MYOCD: variants seen among roughly 807,000 people sequenced by gnomAD.
The protein encoded by MYOCD is myocardin.
MYOCD carries 32 observed loss-of-function variants against 96.1 expected under a neutral mutation model. The observed-to-expected ratio is 0.33, with a 90% CI of 0.25 to 0.45. The LOEUF is 0.45. MYOCD is among the 20% of genes least tolerant of loss of function. The probability of loss-of-function intolerance (pLI) is 1.00; values close to 1 mark genes in which losing one functional copy is unlikely to be tolerated. For synonymous variants in MYOCD, 469 were observed against 469.0 expected (o/e 1.00, Z 0.00); for missense variants, 1,133 against 1,200.6 (o/e 0.94, Z 0.83).
At chr17:12,757,110 A>C (rs1044129243) in intron 11 of MYOCD, among the ~76,000 whole-genome samples, 3 of 152,222 alleles carry the variant, frequency 2.0e-5, no homozygotes, top group South Asian at 2.1e-4. Flanking sequence ...ACACAGATCC[A>C]TGGACAGGAT....
chr17:12,739,585 G>T (rs545738243), intron 7 of MYOCD, among the ~76,000 whole-genome samples: 1 of 152,180 alleles, frequency 6.6e-6, no homozygotes, highest in Non-Finnish European at 1.5e-5. Context: ...CAGCCAGCAC[G>T]TTCCCCACTT....
At chr17:12,687,536 T>G (rs140998123) in intron 1 of MYOCD, among the ~76,000 whole-genome samples, 1 of 152,238 alleles carries the variant, frequency 6.6e-6, no homozygotes, top group Non-Finnish European at 1.5e-5. Context: ...TTGATCACTC[T>G]TTTGAAATAA....
In MYOCD at chr17:12,752,398, A is replaced by G. The variant is rs1366588880; in HGVS notation, c.1126-16A>G. The G allele has an allele frequency of 1.0e-5, 16 of 1,587,722 alleles. No homozygotes were observed. Among genetic ancestry groups the G allele is most frequent in the Non-Finnish European group, 1.4e-5 (16 of 1,167,122 alleles). The stretch of plus-strand genomic sequence containing the variant: ...TGTCGTTAAACAGCACACTAACCAC[A>G]TTCTGATTTCTTTAGGTCTCTGAAT... On this transcript the variant is annotated splice_polypyrimidine_tract_variant and intron_variant, in intron 9 of 13. Transcript: ENST00000425538.
chr17:12,722,749 T>C, intron 4 of MYOCD, 98 bp from the exon 5 acceptor site: 1 of 965,716 alleles, frequency 1.0e-6, no homozygotes. Flanking sequence ...TAGAGCACAA[T>C]GTGACACAAT....
At chr17:12,666,422 G>A (rs1259605256) in intron 1 of MYOCD, among the ~76,000 whole-genome samples, 179 bp downstream of exon 1, 1 of 152,122 alleles carries the variant, frequency 6.6e-6, no homozygotes, top group Non-Finnish European at 1.5e-5. Context: ...CGTGTCTTCC[G>A]TTGTAAGTGC....
At chr17:12,692,597 G>T (rs1397191863) in intron 1 of MYOCD, among the ~76,000 whole-genome samples, 2 of 152,068 alleles carry the variant, frequency 1.3e-5, no homozygotes, top group Non-Finnish European at 2.9e-5. Flanking sequence ...GCTTCTCTTT[G>T]ACATCAAGAA....
At chr17:12,721,380 A>G (rs1567586366) in intron 4 of MYOCD, among the ~76,000 whole-genome samples, 2 of 152,210 alleles carry the variant, frequency 1.3e-5, no homozygotes, top group Non-Finnish European at 2.9e-5. Context: ...AGAGGCAACA[A>G]GATGAAGGGT....
intron 7 of MYOCD, among the ~76,000 whole-genome samples, chr17:12,741,146 T>C (rs891977531): frequency 4.6e-5 from 7 of 152,276 alleles, no homozygotes; most frequent in Middle Eastern, 3.4e-3. Flanking sequence ...AGATTGTAAA[T>C]TGAAGTAAAA....
rs563505398 is a variant in MYOCD at position 12,760,806 on chromosome 17, G to T, written c.2389+99G>T. ...CAAGATCAGATGCACACTGTGAGTT[G>T]GATGTACCAGGTAGTCCTCAGGGAG... On this transcript the variant is annotated intron_variant, in intron 13 of 13. Coordinates refer to ENST00000425538, the MANE Select transcript of MYOCD (RefSeq NM_001146312.3). 758 of 959,794 alleles carry T rather than the reference G, an allele frequency of 7.9e-4. 14 individuals carry two copies. In the South Asian group the frequency reaches 9.8e-3, roughly 12 times the overall value. 59.5% of individuals were successfully genotyped at this position (959,794 alleles called of 1,614,324 possible).
chr17:12,728,769 G>A (rs569654825), intron 5 of MYOCD, among the ~76,000 whole-genome samples: 38 of 152,198 alleles, frequency 2.5e-4, no homozygotes, highest in Admixed American at 1.2e-3. Context: ...GTGAGCCACC[G>A]TGCCCAGCCA....
chr17:12,719,590 C>T lies in MYOCD; in HGVS notation c.253+2169C>T, dbSNP rs1597778792. Among the ~76,000 whole-genome samples the T allele has an allele frequency of 4.6e-5, 7 of 151,620 alleles. No individual in the cohort carries two copies. The East Asian group carries it at 7.8e-4, about 17-fold the overall frequency. On this transcript the variant is annotated intron_variant, in intron 4 of 13. Transcript: ENST00000425538. ...TTTTTAGGCTGGGTACAGTGGCTCACGCCTGTAATCCTAGCACTTTGGGAG... is the reference window on the plus strand; with the variant it reads ...TTTTTAGGCTGGGTACAGTGGCTCATGCCTGTAATCCTAGCACTTTGGGAG...
At chr17:12,700,936 A>T (rs780379927) in intron 1 of MYOCD, among the ~76,000 whole-genome samples, 21 of 152,094 alleles carry the variant, frequency 1.4e-4, no homozygotes, top group Middle Eastern at 3.2e-3. Flanking sequence ...TATAATAATC[A>T]ATCTATGATT....
chr17:12,671,854 G>A (rs1909727146), intron 1 of MYOCD: 1 of 152,230 alleles, frequency 6.6e-6, no homozygotes, highest in African/African-American at 2.4e-5. Context: ...GGAGATGCTA[G>A]AACAGGCTGC....
In MYOCD at chr17:12,666,194, A is replaced by G. The variant is rs529798633; in HGVS notation, c.6A>G (p.Thr2=). M[T]LLGSEHSLLI... ...GCGGCTTGCTGAGACTCAACATGAC[A>G]CTCCTGGGGTCTGAGCATTCCTTGC... The change falls in exon 1 of 14, where the codon ACA becomes ACG. Residue 2 remains threonine (T), a synonymous_variant. Coordinates refer to ENST00000425538, the MANE Select transcript of MYOCD (RefSeq NM_001146312.3). The G allele has an allele frequency of 6.8e-6, 11 of 1,613,342 alleles. No homozygotes were observed. The highest frequency in any genetic ancestry group is 7.6e-6 in the Non-Finnish European group (9 of 1,179,624).
intron 2 of MYOCD, among the ~76,000 whole-genome samples, chr17:12,708,454 C>T (rs939282953): frequency 6.6e-6 from 1 of 151,574 alleles, no homozygotes; most frequent in Non-Finnish European, 1.5e-5. Flanking sequence ...AGTGCAGTAG[C>T]GTGATCTCGG....
chr17:12,715,651 G>A (rs2031617720), intron 3 of MYOCD, 77 bp downstream of exon 3: 8 of 1,149,562 alleles, frequency 7.0e-6, no homozygotes, highest in African/African-American at 1.5e-5. Context: ...TGGTGGATGC[G>A]TGTAGAATTC....
intron 3 of MYOCD, among the ~76,000 whole-genome samples, chr17:12,717,020 A>AG: frequency 1.4e-5 from 2 of 141,566 alleles, no homozygotes; most frequent in South Asian, 4.6e-4. Context: ...AAAAAAAAAA[A>AG]GGCAATGGAA....
At chr17:12,734,635 G>A (rs934666633) in intron 5 of MYOCD, among the ~76,000 whole-genome samples, 11 of 144,458 alleles carry the variant, frequency 7.6e-5, no homozygotes, top group Non-Finnish European at 1.0e-4. Context: ...CTCAGCCTCC[G>A]GAGTAGCTGG....
chr17:12,680,432 G>A (rs1000154957), intron 1 of MYOCD, among the ~76,000 whole-genome samples: 1 of 152,182 alleles, frequency 6.6e-6, no homozygotes, highest in Non-Finnish European at 1.5e-5. Context: ...TGAAGCACTT[G>A]AACTCAGATC....
Sources: allele counts gnomAD v4.1 joint callset (sites outside exome capture counted in the v4.1 genomes callset), GRCh38; gene constraint gnomAD v4.1.1; transcripts MANE v1.5; gene names NCBI Gene and HGNC (gene_info 2026-07-23, HGNC 2026-07-21).